ANKS3: variants seen among roughly 807,000 people sequenced by gnomAD.
ANKS3 encodes the protein ankyrin repeat and sterile alpha motif domain containing 3, also known as ankyrin repeat and SAM domain-containing protein 3.
In ANKS3, 62 loss-of-function variants were observed where a neutral mutation model predicts 80.7. The observed-to-expected ratio is 0.77, with a 90% CI of 0.63 to 0.95. The LOEUF is 0.95. Ranked by LOEUF, ANKS3 falls within the 40% of genes least tolerant of loss-of-function variation. The pLI is 0.00. For missense variants in ANKS3, 1,150 were observed against 883.6 expected (o/e 1.30, Z -3.82); for synonymous variants, 489 against 355.3 (o/e 1.38, Z -4.23).
At chr16:4,701,158 A>C in intron 10 of ANKS3, 24 bp from the exon 11 acceptor site, 1 of 1,613,356 alleles carries the variant, frequency 6.2e-7, no homozygotes, top group South Asian at 1.1e-5. Context: ...CGTGCATCTG[A>C]AAGAGTGCGC....
intron 13 of ANKS3, 72 bp downstream of exon 13, chr16:4,698,728 A>AC: frequency 6.4e-7 from 1 of 1,551,512 alleles, no homozygotes; most frequent in Non-Finnish European, 8.7e-7. Flanking sequence ...CACAGCACCC[A>AC]CCTTTTCTGT....
intron 7 of ANKS3, among the ~76,000 whole-genome samples, chr16:4,712,501 T>C (rs1240529983): frequency 2.6e-5 from 4 of 152,146 alleles, no homozygotes; most frequent in Non-Finnish European, 4.4e-5. Context: ...GTACAACATG[T>C]GGGATTTATG....
chr16:4,732,034 T>G lies in ANKS3; in HGVS notation c.-70-455A>C, dbSNP rs187322986. Among the ~76,000 whole-genome samples, 22 of 152,278 alleles carry G rather than the reference T, an allele frequency of 1.4e-4. No individual in the cohort carries two copies. The East Asian group carries it at 4.1e-3, about 28-fold the overall frequency. On this transcript the variant is annotated intron_variant, in intron 1 of 17. Coordinates refer to ENST00000304283, the MANE Select transcript of ANKS3 (RefSeq NM_133450.4). ...GAGGACCTCAGTTTCTATTAAAGAATGCTTCCAAGCCCCAGGTGACAGCCA... is the reference window on the plus strand; with the variant it reads ...GAGGACCTCAGTTTCTATTAAAGAAGGCTTCCAAGCCCCAGGTGACAGCCA...
intron 9 of ANKS3, 91 bp downstream of exon 9, chr16:4,702,011 A>G: frequency 6.9e-7 from 1 of 1,439,388 alleles, no homozygotes; most frequent in Non-Finnish European, 9.2e-7. Context: ...GGCTGTGTCC[A>G]GCGCCAGGCC....
chr16:4,729,101 G>A (rs923083283), intron 3 of ANKS3, among the ~76,000 whole-genome samples: 1 of 152,166 alleles, frequency 6.6e-6, no homozygotes, highest in South Asian at 2.1e-4. Context: ...GTGAGGAGAC[G>A]ACCCTTTTCC....
intron 7 of ANKS3, among the ~76,000 whole-genome samples, chr16:4,711,284 G>C (rs2080470259): frequency 1.3e-5 from 2 of 150,910 alleles, no homozygotes; most frequent in African/African-American, 4.9e-5. Flanking sequence ...TATATTTTTA[G>C]TAGAGATGGG....
At chr16:4,702,684 G>A (rs543953518) in intron 8 of ANKS3, among the ~76,000 whole-genome samples, 8 of 152,116 alleles carry the variant, frequency 5.3e-5, no homozygotes, top group East Asian at 1.9e-4. Flanking sequence ...AGTCAACCCC[G>A]GCGAAAAAGA....
chr16:4,718,599 G>C (rs1047523068), intron 6 of ANKS3, among the ~76,000 whole-genome samples: 1 of 152,236 alleles, frequency 6.6e-6, no homozygotes, highest in African/African-American at 2.4e-5. Context: ...GGGAAACCGG[G>C]TGGGCCCCCT....
At chr16:4,697,948 C>T in intron 15 of ANKS3, 29 bp downstream of exon 15, 1 of 1,530,916 alleles carries the variant, frequency 6.5e-7, no homozygotes. Flanking sequence ...TCCCCTCTGC[C>T]CAGTGCGGAG....
At position 4,705,199 on chromosome 16, in the gene ANKS3, T is replaced by C; in HGVS notation, c.764A>G (p.Gln255Arg). The C allele has an allele frequency of 6.2e-7, 1 of 1,614,042 alleles. No individual in the cohort carries two copies. The highest frequency in any genetic ancestry group is 8.5e-7 in the Non-Finnish European group (1 of 1,180,048). Residue 255 changes from glutamine to arginine, a missense_variant, in exon 8 of 18, where the codon CAG (glutamine) becomes CGG (arginine). Coordinates refer to ENST00000304283, the MANE Select transcript of ANKS3 (RefSeq NM_133450.4). ...GACACCCTTCTTCCGGCAAGGCCTC[T>C]GTCTCTGAGGAGCAGGGCAGGACTC... ...SDESCPAPQR[Q>R]RPCRKKGVSI...
chr16:4,708,925 C>G (rs1481657260), intron 7 of ANKS3, among the ~76,000 whole-genome samples: 1 of 147,842 alleles, frequency 6.8e-6, no homozygotes, highest in African/African-American at 2.5e-5. Context: ...GGCAACAGAG[C>G]GAGACTCTGT....
At chr16:4,721,018 A>AAG (rs1555474271) in intron 6 of ANKS3, among the ~76,000 whole-genome samples, 7 of 149,934 alleles carry the variant, frequency 4.7e-5, no homozygotes, top group Non-Finnish European at 1.0e-4. Context: ...AAAAAAAAAA[A>AAG]AGAGAGGCCA....
At chr16:4,711,197 G>A (rs1356721674) in intron 7 of ANKS3, among the ~76,000 whole-genome samples, 3 of 145,306 alleles carry the variant, frequency 2.1e-5, no homozygotes, top group South Asian at 4.5e-4. Context: ...TCTGCCTCCC[G>A]GGTTCAAGGG....
At position 4,730,023 on chromosome 16, in the gene ANKS3, C is replaced by A; in HGVS notation, c.127G>T (p.Ala43Ser). 6.4e-7 allele frequency: 1 copy of A among 1,574,460 alleles called. No homozygotes were observed. The highest frequency in any genetic ancestry group is 8.7e-7 in the Non-Finnish European group (1 of 1,155,930). Residue 43 changes from alanine (A) to serine (S), a missense_variant, in exon 3 of 18, where the codon GCT becomes TCT. Transcript: ENST00000304283. ...LDVPLDLHTAASIGQYEVVKE... is the reference protein window; with the variant it reads ...LDVPLDLHTASSIGQYEVVKE... The stretch of plus-strand genomic sequence containing the variant: ...ACCACTTCATACTGGCCAATGGAAG[C>A]AGCTGTGTGAAGATCCAGGGGGACA...
intron 1 of ANKS3, among the ~76,000 whole-genome samples, chr16:4,732,047 C>T (rs2081646541): frequency 2.0e-5 from 3 of 152,158 alleles, no homozygotes; most frequent in Non-Finnish European, 4.4e-5. Flanking sequence ...TTCCAAGCCC[C>T]AGGTGACAGC....
At chr16:4,713,801 T>C (rs965291494) in intron 7 of ANKS3, among the ~76,000 whole-genome samples, 1 of 152,196 alleles carries the variant, frequency 6.6e-6, no homozygotes, top group African/African-American at 2.4e-5. Context: ...CCCTACTCGG[T>C]AGTCAAGCAT....
chr16:4,700,980 G>C lies in ANKS3; in HGVS notation c.1274C>G (p.Ser425Ter). The C allele has an allele frequency of 1.2e-6, 2 of 1,613,998 alleles. No homozygotes were observed. The highest frequency in any genetic ancestry group is 1.7e-6 in the Non-Finnish European group (2 of 1,180,002). Residue 425 changes from serine (S) to a stop codon, truncating the protein, a stop_gained, in exon 11 of 18, where the codon TCA (serine) becomes TGA (stop). Coordinates refer to ENST00000304283, the MANE Select transcript of ANKS3 (RefSeq NM_133450.4). LOFTEE classifies it high-confidence loss of function. ...CACAAGCGGTCTTACCTGGGGTCCTGAGTAGGGGGCCCTCTGAGTCTGGGG... is the reference window on the plus strand; with the variant it reads ...CACAAGCGGTCTTACCTGGGGTCCTCAGTAGGGGGCCCTCTGAGTCTGGGG... ...SSPQTQRAPY[S>*]GPQDLAALLE... is the part of the protein sequence containing the mutation.
At chr16:4,706,463 C>T (rs1461558107) in intron 7 of ANKS3, among the ~76,000 whole-genome samples, 1 of 152,152 alleles carries the variant, frequency 6.6e-6, no homozygotes, top group African/African-American at 2.4e-5. Context: ...TCTCGATCTC[C>T]TGACCTTGTG....
intron 7 of ANKS3, among the ~76,000 whole-genome samples, chr16:4,707,853 G>T (rs1273945437): frequency 6.6e-6 from 1 of 152,102 alleles, no homozygotes; most frequent in Non-Finnish European, 1.5e-5. Flanking sequence ...GCTCACGCCT[G>T]TAATCCCAGC....
Sources: allele counts gnomAD v4.1 joint callset (sites outside exome capture counted in the v4.1 genomes callset), GRCh38; gene constraint gnomAD v4.1.1; transcripts MANE v1.5; gene names NCBI Gene and HGNC (gene_info 2026-07-23, HGNC 2026-07-21).